ZNF475: variants seen among roughly 807,000 people sequenced by gnomAD.
The protein encoded by ZNF475 is zinc finger protein 475.
At chr5:122,176,192 C>T in the ZNF475 span, among the ~76,000 whole-genome samples, 1 of 152,156 alleles carries the variant, frequency 6.6e-6, no homozygotes, top group African/African-American at 2.4e-5. Context: ...TGTTTTCTGG[C>T]TATAATTTCC....
At chr5:122,179,625 A>C in the ZNF475 span, 2 of 1,534,456 alleles carry the variant, frequency 1.3e-6, no homozygotes, top group Non-Finnish European at 1.7e-6. Flanking sequence ...ATCTATTAGC[A>C]TTCATGAGCC....
chr5:122,165,652 CTCTT>C, the ZNF475 span, among the ~76,000 whole-genome samples: 1 of 151,740 alleles, frequency 6.6e-6, no homozygotes, highest in Non-Finnish European at 1.5e-5. Flanking sequence ...TTCTCTTTGA[CTCTT>C]AGGTTAATGA....
At chr5:122,160,182 C>T in the ZNF475 span, 4 of 1,280,656 alleles carry the variant, frequency 3.1e-6, no homozygotes, top group Non-Finnish European at 4.1e-6. Context: ...CTTCATCTTT[C>T]CTTGGTGCCA....
the ZNF475 span, among the ~76,000 whole-genome samples, chr5:122,176,648 T>TC: frequency 2.0e-5 from 3 of 152,134 alleles, no homozygotes; most frequent in Non-Finnish European, 4.4e-5. Flanking sequence ...ACACAGACGG[T>TC]CCCTGCATGC....
chr5:122,179,634 C>T, the ZNF475 span: 9 of 1,534,084 alleles, frequency 5.9e-6, no homozygotes, highest in Non-Finnish European at 7.9e-6. Flanking sequence ...CATTCATGAG[C>T]CACAATGTCT....
At chr5:122,166,160 G>A in the ZNF475 span, among the ~76,000 whole-genome samples, 138 of 152,272 alleles carry the variant, frequency 9.1e-4, 1 homozygote, top group Middle Eastern at 3.4e-3. Context: ...CAAGCACAAG[G>A]AAAATATAAA....
the ZNF475 span, among the ~76,000 whole-genome samples, chr5:122,182,064 C>T: frequency 3.9e-5 from 6 of 152,230 alleles, no homozygotes; most frequent in East Asian, 3.9e-4. Flanking sequence ...AAGGAAAATA[C>T]GAATACATGC....
At chr5:122,178,969 C>T in the ZNF475 span, among the ~76,000 whole-genome samples, 3 of 152,110 alleles carry the variant, frequency 2.0e-5, no homozygotes, top group Admixed American at 1.3e-4. Context: ...GCCAGTTTTC[C>T]CAATATCATT....
At chr5:122,169,838 T>C in the ZNF475 span, among the ~76,000 whole-genome samples, 4 of 152,202 alleles carry the variant, frequency 2.6e-5, no homozygotes, top group South Asian at 8.3e-4. Context: ...CAGCCGCACT[T>C]GGTTACTTGT....
chr5:122,160,929 A>G, the ZNF475 span, among the ~76,000 whole-genome samples: 2 of 152,176 alleles, frequency 1.3e-5, no homozygotes, highest in Admixed American at 6.5e-5. Context: ...GTCAACAACT[A>G]CAATCTCTCC....
the ZNF475 span, among the ~76,000 whole-genome samples, chr5:122,168,514 TCC>T: frequency 2.0e-5 from 3 of 152,020 alleles, no homozygotes; most frequent in African/African-American, 7.2e-5. Context: ...ATTGAGACCA[TCC>T]CCTGGCTAAC....
chr5:122,175,714 T>G, the ZNF475 span, among the ~76,000 whole-genome samples: 1 of 152,128 alleles, frequency 6.6e-6, no homozygotes, highest in African/African-American at 2.4e-5. Context: ...CTTTTTCCCT[T>G]TTCTCAGAAG....
At chr5:122,176,411 C>A in the ZNF475 span, among the ~76,000 whole-genome samples, 2 of 152,156 alleles carry the variant, frequency 1.3e-5, no homozygotes, top group African/African-American at 4.8e-5. Context: ...TCAAACTCAA[C>A]AGATCCAGAA....
At chr5:122,179,388 T>G in the ZNF475 span, among the ~76,000 whole-genome samples, 1 of 152,206 alleles carries the variant, frequency 6.6e-6, no homozygotes. Context: ...GAATGTTTTT[T>G]CCATTTGTTT....
At chr5:122,161,040 A>G in the ZNF475 span, among the ~76,000 whole-genome samples, 1 of 152,206 alleles carries the variant, frequency 6.6e-6, no homozygotes, top group Non-Finnish European at 1.5e-5. Context: ...TCACTGCTCA[A>G]TGTGAGGCAT....
At chr5:122,179,084 C>T in the ZNF475 span, among the ~76,000 whole-genome samples, 1 of 152,064 alleles carries the variant, frequency 6.6e-6, no homozygotes, top group East Asian at 1.9e-4. Flanking sequence ...CTGTTCTGTT[C>T]CATTGGTCTA....
At chr5:122,160,367 G>A in the ZNF475 span, 1 of 936,292 alleles carries the variant, frequency 1.1e-6, no homozygotes, top group African/African-American at 1.7e-5. Context: ...CGAAGGTGGG[G>A]AAAGTTACAC....
At chr5:122,170,257 G>A in the ZNF475 span, among the ~76,000 whole-genome samples, 2 of 152,132 alleles carry the variant, frequency 1.3e-5, no homozygotes, top group African/African-American at 4.8e-5. Flanking sequence ...TGTTGTCCCA[G>A]AGTTAGTGCA....
At chr5:122,164,365 G>A in the ZNF475 span, among the ~76,000 whole-genome samples, 3 of 152,202 alleles carry the variant, frequency 2.0e-5, no homozygotes, top group African/African-American at 7.2e-5. Context: ...AGTAAAACAT[G>A]CCTGTTGGTT....
Sources: allele counts gnomAD v4.1 joint callset (sites outside exome capture counted in the v4.1 genomes callset), GRCh38; gene constraint gnomAD v4.1.1; transcripts MANE v1.5; gene names NCBI Gene and HGNC (gene_info 2026-07-23, HGNC 2026-07-21).